SHISAL1: variants seen among roughly 807,000 people sequenced by gnomAD.
SHISAL1 encodes protein shisa-like-1.
A neutral mutation model predicts 22.6 loss-of-function variants in SHISAL1; 9 were observed. The ratio of observed to expected loss-of-function variants is 0.40; its 90% CI spans 0.24 to 0.70. The LOEUF is 0.70. Among genes scored for constraint, SHISAL1 ranks in the 30% least tolerant of loss-of-function variants. The pLI is 0.39. For missense variants in SHISAL1, 246 were observed against 270.6 expected, an observed-to-expected ratio of 0.91 and a Z score of 0.64; for synonymous variants, 119 against 115.4, an observed-to-expected ratio of 1.03 and a Z score of -0.20.
chr22:44,308,633 C>T (rs533129362), intron 1 of SHISAL1, among the ~76,000 whole-genome samples: 4 of 152,300 alleles, frequency 2.6e-5, no homozygotes, highest in East Asian at 1.9e-4. Context: ...AGGGTGATCT[C>T]GGGCTGTCTG....
intron 3 of SHISAL1, among the ~76,000 whole-genome samples, chr22:44,288,547 A>G (rs945765097): frequency 2.0e-5 from 3 of 152,188 alleles, no homozygotes; most frequent in Non-Finnish European, 4.4e-5. Flanking sequence ...AGGCTGAGGC[A>G]GGAGAATTGC....
chr22:44,327,073 T>A, the SHISAL1 span, among the ~76,000 whole-genome samples: 5 of 152,160 alleles, frequency 3.3e-5, no homozygotes, highest in Non-Finnish European at 7.4e-5. Flanking sequence ...GGCCTCAGTG[T>A]CCCCATCTGA....
At chr22:44,267,034 G>A (rs573031798) in intron 4 of SHISAL1, among the ~76,000 whole-genome samples, 10 of 152,218 alleles carry the variant, frequency 6.6e-5, no homozygotes, top group African/African-American at 1.7e-4. Flanking sequence ...CAGACAGGAC[G>A]GTGCCTGGTA....
chr22:44,329,468 C>CGT, the SHISAL1 span, among the ~76,000 whole-genome samples: 2 of 152,200 alleles, frequency 1.3e-5, no homozygotes, highest in African/African-American at 4.8e-5. Context: ...CACACACGCG[C>CGT]GGCTCTAAGC....
chr22:44,303,190 C>T (rs566819936), intron 1 of SHISAL1, among the ~76,000 whole-genome samples: 14 of 152,122 alleles, frequency 9.2e-5, no homozygotes, highest in African/African-American at 2.2e-4. Flanking sequence ...ACTATGTGCC[C>T]GGCTCTGGGC....
upstream of SHISAL1, among the ~76,000 whole-genome samples, chr22:44,316,529 T>C (rs1002366662): frequency 1.4e-4 from 21 of 152,066 alleles, no homozygotes; most frequent in African/African-American, 5.1e-4. Flanking sequence ...ACTCTGCAGT[T>C]ATAGACAAAA....
the SHISAL1 span, among the ~76,000 whole-genome samples, chr22:44,330,981 G>A: frequency 6.6e-6 from 1 of 152,036 alleles, no homozygotes; most frequent in Admixed American, 6.5e-5. Context: ...GGTCCGCAGC[G>A]TGGCCCTCAG....
intron 1 of SHISAL1, among the ~76,000 whole-genome samples, chr22:44,303,524 T>C (rs56930386): frequency 6.6e-6 from 1 of 151,960 alleles, no homozygotes; most frequent in Non-Finnish European, 1.5e-5. Context: ...ATGCCAAAGA[T>C]TGCCAGCGAA....
intron 4 of SHISAL1, among the ~76,000 whole-genome samples, chr22:44,272,348 A>T (rs775674567): frequency 9.2e-5 from 14 of 152,224 alleles, no homozygotes; most frequent in Non-Finnish European, 2.1e-4. Flanking sequence ...TTCCAAGCAA[A>T]GCCAGGGCAG....
At chr22:44,256,855 C>T (rs1017750567) in intron 4 of SHISAL1, among the ~76,000 whole-genome samples, 2 of 151,996 alleles carry the variant, frequency 1.3e-5, no homozygotes, top group African/African-American at 4.8e-5. Context: ...GATCAATTTC[C>T]AAGAAAAGAG....
intron 4 of SHISAL1, among the ~76,000 whole-genome samples, chr22:44,285,103 G>A (rs58412237): frequency 0.032 from 4,945 of 152,252 alleles, 282 homozygotes; most frequent in African/African-American, 0.11. Context: ...AAAGCCATCC[G>A]GTTTTCCCCT....
At chr22:44,266,796 C>A (rs907692031) in intron 4 of SHISAL1, among the ~76,000 whole-genome samples, 2 of 152,100 alleles carry the variant, frequency 1.3e-5, no homozygotes, top group African/African-American at 4.8e-5. Context: ...CTCAGCTCCA[C>A]GCCCGTCAGC....
chr22:44,254,304 G>C (rs1360056221), intron 4 of SHISAL1, among the ~76,000 whole-genome samples: 1 of 151,850 alleles, frequency 6.6e-6, no homozygotes, highest in Non-Finnish European at 1.5e-5. Context: ...CAGAAATGGA[G>C]TTAACAGCAA....
At chr22:44,296,230 C>T (rs1044458521) in intron 3 of SHISAL1, among the ~76,000 whole-genome samples, 3 of 143,012 alleles carry the variant, frequency 2.1e-5, no homozygotes, top group African/African-American at 8.0e-5. Context: ...GCCATCTCTG[C>T]TCACTGCAAC....
the SHISAL1 span, among the ~76,000 whole-genome samples, chr22:44,323,558 A>T: frequency 1.5e-5 from 2 of 131,754 alleles, no homozygotes; most frequent in Non-Finnish European, 3.2e-5. Flanking sequence ...CCATCCATCC[A>T]TCCACCATCC....
chr22:44,292,665 G>A (rs1001779537), intron 3 of SHISAL1, among the ~76,000 whole-genome samples: 9 of 152,168 alleles, frequency 5.9e-5, no homozygotes, highest in Non-Finnish European at 1.3e-4. Context: ...AATGACCCAG[G>A]ACTTCAGCCC....
chr22:44,299,733 G>C (rs766352858), intron 2 of SHISAL1, among the ~76,000 whole-genome samples: 1 of 152,176 alleles, frequency 6.6e-6, no homozygotes. Context: ...GATGGAGACA[G>C]AGACAGAAAG....
rs535842747 is a variant in SHISAL1 at position 44,276,875 on chromosome 22, C to G, written c.599+8553G>C. ...AAGTGAAAGGGAGGAGCGCTTGTGT[C>G]TAAGATCAGGCAGATGATGAACGAG... On this transcript the variant is annotated intron_variant, in intron 4 of 4. Transcript: ENST00000381176. Among the ~76,000 whole-genome samples, 72 of 152,140 alleles carry G rather than the reference C, an allele frequency of 4.7e-4. 2 individuals are homozygous for G. The South Asian group carries it at 0.015, about 32-fold the overall frequency.
At chr22:44,297,460 G>A (rs2055395210) in intron 2 of SHISAL1, among the ~76,000 whole-genome samples, 1 of 152,212 alleles carries the variant, frequency 6.6e-6, no homozygotes, top group Admixed American at 6.5e-5. Context: ...TAGGTGCAAG[G>A]ACCTCTTGGG....
Sources: allele counts gnomAD v4.1 joint callset (sites outside exome capture counted in the v4.1 genomes callset), GRCh38; gene constraint gnomAD v4.1.1; transcripts MANE v1.5; gene names NCBI Gene and HGNC (gene_info 2026-07-23, HGNC 2026-07-21).